The following KDM5B variants were observed in gnomAD, a reference collection of about 807,000 sequenced individuals.
The protein encoded by KDM5B is lysine-specific demethylase 5B.
KDM5B carries 144 observed loss-of-function variants against 193.4 expected under a neutral mutation model. The ratio of observed to expected loss-of-function variants is 0.74; its 90% CI spans 0.65 to 0.86. The LOEUF is 0.86. KDM5B is among the 40% of genes least tolerant of loss of function. The pLI is 0.00. For synonymous variants in KDM5B, 668 were observed against 682.6 expected (o/e 0.98, Z 0.33); for missense variants, 1,833 against 1,886.9 (o/e 0.97, Z 0.53).
intron 24 of KDM5B, among the ~76,000 whole-genome samples, chr1:202,731,615 G>A (rs181299808): frequency 1.4e-3 from 208 of 152,272 alleles, no homozygotes; most frequent in Admixed American, 2.4e-3. Flanking sequence ...TTTCATCCCT[G>A]AGGACAATGG....
At chr1:202,773,069 A>G in intron 4 of KDM5B, 49 bp downstream of exon 4, 1 of 1,251,812 alleles carries the variant, frequency 8.0e-7, no homozygotes, top group Non-Finnish European at 1.1e-6. Context: ...AAGACAATGT[A>G]CCAATAAGTA....
chr1:202,788,457 T>C (rs946304555), intron 1 of KDM5B, among the ~76,000 whole-genome samples: 1 of 152,208 alleles, frequency 6.6e-6, no homozygotes, highest in Non-Finnish European at 1.5e-5. Flanking sequence ...AATATAGTAG[T>C]AATAAAGGGA....
chr1:202,744,968 C>T (rs1572718067), intron 16 of KDM5B, among the ~76,000 whole-genome samples: 1 of 152,076 alleles, frequency 6.6e-6, no homozygotes, highest in African/African-American at 2.4e-5. Flanking sequence ...ACTATGCAGC[C>T]ATAAAAAAGA....
chr1:202,755,382 G>C lies in KDM5B; in HGVS notation c.1427C>G (p.Thr476Ser). 1 of 1,613,760 alleles carries C rather than the reference G, an allele frequency of 6.2e-7. No individual in the cohort carries two copies. Among genetic ancestry groups the C allele is most frequent in the African/African-American group, 1.3e-5 (1 of 75,058 alleles). ...AAGTTTCATGCCACATATATCAGCAGTAATATGTGCAAGGACAGACTGCTC... is the reference window on the plus strand; with the variant it reads ...AAGTTTCATGCCACATATATCAGCACTAATATGTGCAAGGACAGACTGCTC... ...VMEQSVLAHITADICGMKLPW... is the reference protein window; with the variant it reads ...VMEQSVLAHISADICGMKLPW... Residue 476 changes from threonine (T) to serine (S), a missense_variant, in exon 11 of 27, where the codon ACT (threonine) becomes AGT (serine). By Grantham distance (58) the Thr-to-Ser change is moderately conservative. This residue lies in a region of KDM5B where 1,379 missense variants were observed against 1,349.6 expected (regional missense o/e 1.02). Coordinates refer to ENST00000367265, the MANE Select transcript of KDM5B (RefSeq NM_006618.5).
chr1:202,797,362 T>C (rs1572780957), intron 1 of KDM5B, among the ~76,000 whole-genome samples: 1 of 152,148 alleles, frequency 6.6e-6, no homozygotes, highest in African/African-American at 2.4e-5. Flanking sequence ...CCCTCCCCTA[T>C]GTTTCCCTCT....
chr1:202,772,275 C>T (rs1656751528), intron 4 of KDM5B, among the ~76,000 whole-genome samples: 1 of 152,188 alleles, frequency 6.6e-6, no homozygotes, highest in Non-Finnish European at 1.5e-5. Flanking sequence ...GAAGCTTTTA[C>T]AGTACTGTTT....
At chr1:202,767,221 A>C in intron 4 of KDM5B, 161 bp from the exon 5 acceptor site, 1 of 1,574,888 alleles carries the variant, frequency 6.3e-7, no homozygotes, top group South Asian at 1.1e-5. Flanking sequence ...GGAGGAACTG[A>C]AACACCCTTA....
chr1:202,752,094 G>A (rs570024707), intron 12 of KDM5B, among the ~76,000 whole-genome samples: 234 of 152,206 alleles, frequency 1.5e-3, no homozygotes, highest in African/African-American at 5.3e-3. Flanking sequence ...CACTGTAAAT[G>A]TATCATTTAC....
At chr1:202,800,107 G>T (rs112420954) in intron 1 of KDM5B, among the ~76,000 whole-genome samples, 4 of 152,050 alleles carry the variant, frequency 2.6e-5, no homozygotes, top group African/African-American at 9.7e-5. Flanking sequence ...GCAGTGGTGC[G>T]ATATCGGCTC....
intron 20 of KDM5B, among the ~76,000 whole-genome samples, chr1:202,739,652 T>G (rs1447387713): frequency 6.6e-6 from 1 of 152,080 alleles, no homozygotes; most frequent in African/African-American, 2.4e-5. Context: ...CCTGGGTACT[T>G]GAGATTAGGG....
intron 18 of KDM5B, 92 bp downstream of exon 18, chr1:202,742,299 C>T: frequency 2.4e-6 from 2 of 842,632 alleles, no homozygotes; most frequent in East Asian, 5.2e-5. Context: ...ACATATTAAT[C>T]ATCAAAGAAG....
chr1:202,766,287 C>G (rs1409425430), intron 5 of KDM5B: 2 of 249,494 alleles, frequency 8.0e-6, no homozygotes, highest in Non-Finnish European at 1.6e-5. Flanking sequence ...GGGTGGATCA[C>G]GAGGTCAGGA....
chr1:202,775,557 A>T (rs1194912332), intron 2 of KDM5B, among the ~76,000 whole-genome samples: 5 of 150,272 alleles, frequency 3.3e-5, no homozygotes, highest in African/African-American at 9.8e-5. Flanking sequence ...AAAAATAAAA[A>T]AATAATAATT....
chr1:202,740,081 G>A lies in KDM5B; in HGVS notation c.3084+593C>T, dbSNP rs577449870. On this transcript the variant is annotated intron_variant, in intron 20 of 26. Coordinates refer to ENST00000367265, the MANE Select transcript of KDM5B (RefSeq NM_006618.5). The stretch of plus-strand genomic sequence containing the variant: ...CAGAGGCGCCCCTCACCTCCCGGAC[G>A]GGGCGGCTGGCCGGGCATGGGGCTG... Among the ~76,000 whole-genome samples the A allele has an allele frequency of 7.1e-4, 108 of 151,294 alleles. 1 individual carries two copies. The highest frequency in any genetic ancestry group is 1.4e-3 in the Admixed American group (21 of 15,228).
intron 1 of KDM5B, among the ~76,000 whole-genome samples, chr1:202,787,070 G>A (rs1445441945): frequency 6.6e-6 from 1 of 151,940 alleles, no homozygotes; most frequent in Non-Finnish European, 1.5e-5. Flanking sequence ...AGGCTGGAAT[G>A]CAGTGGCACA....
At chr1:202,773,909 G>C (rs1168938848) in intron 3 of KDM5B, among the ~76,000 whole-genome samples, 2 of 151,916 alleles carry the variant, frequency 1.3e-5, no homozygotes, top group African/African-American at 2.4e-5. Flanking sequence ...AGCTAATTTT[G>C]TATTTTTAGT....
chr1:202,745,708 T>C, intron 16 of KDM5B, 150 bp downstream of exon 16: 1 of 813,170 alleles, frequency 1.2e-6, no homozygotes, highest in Admixed American at 2.1e-5. Flanking sequence ...TAAAACCTTC[T>C]CTGCCGGTGC....
Position 202,742,682 on chromosome 1 carries a change from T to C in KDM5B, c.2447A>G (p.Gln816Arg). 6.2e-7 allele frequency: 1 copy of C among 1,614,128 alleles called. No homozygotes were observed. The highest frequency in any genetic ancestry group is 8.5e-7 in the Non-Finnish European group (1 of 1,180,028). The change falls in exon 17 of 27, where the codon CAG becomes CGG. Residue 816 changes from glutamine (Q) to arginine (R), a missense_variant. Transcript: ENST00000367265. ...AGTTTGCCTTTTGCCATTAAGCAACTGCTGCGCAACAGAGGCACACTTCTC... is the reference window on the plus strand; with the variant it reads ...AGTTTGCCTTTTGCCATTAAGCAACCGCTGCGCAACAGAGGCACACTTCTC... ...DAEKCASVAQQLLNGKRQTRY... is the reference protein window; with the variant it reads ...DAEKCASVAQRLLNGKRQTRY...
chr1:202,729,990 C>T lies in KDM5B; in HGVS notation c.4214G>A (p.Ser1405Asn). The T allele has an allele frequency of 6.2e-7, 1 of 1,612,512 alleles. No individual in the cohort carries two copies. ...CCRGKRDGIN[S>N]LERKLKRRLE... Reference sequence around the variant, plus strand: ...GCGTCTCTTCAGTTTTCTCTCAAGACTGTTAATTCCATCTCGCTTCCCTCG... The same window carrying T: ...GCGTCTCTTCAGTTTTCTCTCAAGATTGTTAATTCCATCTCGCTTCCCTCG... Residue 1405 changes from serine (S) to asparagine (N), a missense_variant, in exon 26 of 27, where the codon AGT becomes AAT. Coordinates refer to ENST00000367265, the MANE Select transcript of KDM5B (RefSeq NM_006618.5).
Sources: allele counts gnomAD v4.1 joint callset (sites outside exome capture counted in the v4.1 genomes callset), GRCh38; gene constraint gnomAD v4.1.1; regional missense constraint gnomAD v4.1.1; transcripts MANE v1.5; gene names NCBI Gene and HGNC (gene_info 2026-07-23, HGNC 2026-07-21).